Variants in COQ8B observed in about 807,000 individuals in gnomAD.
The protein encoded by COQ8B is atypical kinase COQ8B, mitochondrial.
Under a neutral mutation model 62.0 loss-of-function variants are expected in COQ8B, and 44 were observed. The observed-to-expected ratio is 0.71, with a 90% CI of 0.56 to 0.91. The LOEUF (loss-of-function observed/expected upper bound fraction) is 0.91, where lower values mean the gene tolerates loss of function less well. Ranked by LOEUF, COQ8B falls within the 40% of genes least tolerant of loss-of-function variation. COQ8B has a pLI of 0.00. For synonymous variants in COQ8B, 252 were observed against 289.9 expected (o/e 0.87, Z 1.33); for missense variants, 649 against 731.6 (o/e 0.89, Z 1.30).
chr19:40,701,958 A>G (rs1235508860), intron 10 of COQ8B, among the ~76,000 whole-genome samples: 1 of 152,148 alleles, frequency 6.6e-6, no homozygotes, highest in Non-Finnish European at 1.5e-5. Flanking sequence ...ATGCATTTTC[A>G]CTGCTACGTA....
At chr19:40,715,848 T>TGC (rs1743460499) in intron 1 of COQ8B, 1 of 99,486 alleles carries the variant, frequency 1.0e-5, no homozygotes. Flanking sequence ...TCTTTCTCTG[T>TGC]GTGTGTGTGT....
At chr19:40,705,656 T>C (rs2144703197) in intron 5 of COQ8B, among the ~76,000 whole-genome samples, 1 of 151,956 alleles carries the variant, frequency 6.6e-6, no homozygotes, top group South Asian at 2.1e-4. Flanking sequence ...TAAAACGAAA[T>C]ACGGAGGCCA....
Position 40,692,990 on chromosome 19 carries a change from C to T in COQ8B, c.1257G>A (p.Lys419=). Residue 419 remains lysine, a synonymous_variant, in exon 14 of 15, where the codon AAG becomes AAA. Coordinates refer to ENST00000324464, the MANE Select transcript of COQ8B (RefSeq NM_024876.4). ...ADGDRDCVLQ[K]SRDLKFLTGF... ...CTGTGAGGAATTTGAGGTCCCTGGA[C>T]TTCTGCAGGACACAGTCTCTGTCTC... 2 of 1,614,074 alleles carry T rather than the reference C, an allele frequency of 1.2e-6. No individual in the cohort carries two copies. Among genetic ancestry groups the T allele is most frequent in the Non-Finnish European group, 1.7e-6 (2 of 1,179,930 alleles).
chr19:40,703,296 C>G, intron 9 of COQ8B: 1 of 511,578 alleles, frequency 2.0e-6, no homozygotes. Context: ...CTCTGAGAGT[C>G]TGCTGCTGTA....
At chr19:40,705,787 G>C (rs529916920) in intron 5 of COQ8B, among the ~76,000 whole-genome samples, 41 of 152,128 alleles carry the variant, frequency 2.7e-4, no homozygotes, top group Non-Finnish European at 4.9e-4. Flanking sequence ...AATTAGCTGG[G>C]TGTATGGTGG....
chr19:40,703,325 G>C, intron 9 of COQ8B: 1 of 523,494 alleles, frequency 1.9e-6, no homozygotes, highest in Non-Finnish European at 3.3e-6. Flanking sequence ...CTGGGCTCCC[G>C]TCTCTCTAAG....
intron 4 of COQ8B, among the ~76,000 whole-genome samples, chr19:40,713,720 G>GAA (rs747066002): frequency 2.6e-5 from 3 of 116,398 alleles, no homozygotes; most frequent in Non-Finnish European, 3.6e-5. Flanking sequence ...TGTCTCAAAG[G>GAA]AAAAAAAAAA....
intron 10 of COQ8B, 40 bp from the exon 11 acceptor site, chr19:40,700,491 C>G: frequency 6.3e-7 from 1 of 1,599,224 alleles, no homozygotes; most frequent in Non-Finnish European, 8.5e-7. Flanking sequence ...CTTCGTGCTT[C>G]AGGCTTGTGA....
intron 5 of COQ8B, among the ~76,000 whole-genome samples, chr19:40,707,714 C>T (rs1317177942): frequency 6.6e-6 from 1 of 152,206 alleles, no homozygotes; most frequent in Non-Finnish European, 1.5e-5. Flanking sequence ...CTCGGCCTGC[C>T]AAAGTGCTGG....
chr19:40,714,398 C>A lies in COQ8B; in HGVS notation c.103-1G>T. ...GGGCCCAAGAACCTCCACATGGTCC[C>A]TGCAAGAGATATACTTTGATAAGGA... On this transcript the variant is annotated splice_acceptor_variant, in intron 2 of 14. Coordinates refer to ENST00000324464, the MANE Select transcript of COQ8B (RefSeq NM_024876.4). LOFTEE classifies it high-confidence loss of function. 1 of 1,613,654 alleles carries A rather than the reference C, an allele frequency of 6.2e-7. No homozygotes were observed.
intron 13 of COQ8B, among the ~76,000 whole-genome samples, chr19:40,694,012 A>G (rs943176642): frequency 2.0e-5 from 3 of 152,130 alleles, no homozygotes; most frequent in African/African-American, 7.2e-5. Context: ...CAGGGCTTTT[A>G]TAAAGTGGCA....
intron 4 of COQ8B, among the ~76,000 whole-genome samples, chr19:40,712,586 T>C (rs1451134768): frequency 6.6e-6 from 1 of 151,926 alleles, no homozygotes; most frequent in Non-Finnish European, 1.5e-5. Flanking sequence ...AGACTCCATC[T>C]CAAAAACAAA....
Position 40,692,357 on chromosome 19 carries a change from T to A in COQ8B, c.1313A>T (p.His438Leu). Reference sequence around the variant, plus strand: ...CCCCAGGATCATCACTGCCTCCACGTGGGCGTCGGAGAATGCCTGGGAGTG... The same window carrying A: ...CCCCAGGATCATCACTGCCTCCACGAGGGCGTCGGAGAATGCCTGGGAGTG... ...GFETKAFSDA[H>L]VEAVMILGEP... Residue 438 changes from histidine to leucine, a missense_variant, in exon 15 of 15, where the codon CAC (histidine) becomes CTC (leucine). His to Leu is a moderately conservative substitution (Grantham distance 99). Coordinates refer to ENST00000324464, the MANE Select transcript of COQ8B (RefSeq NM_024876.4). The A allele has an allele frequency of 6.2e-7, 1 of 1,613,270 alleles. No homozygotes were observed.
At chr19:40,707,075 C>A (rs1223938412) in intron 5 of COQ8B, among the ~76,000 whole-genome samples, 1 of 151,972 alleles carries the variant, frequency 6.6e-6, no homozygotes, top group Non-Finnish European at 1.5e-5. Flanking sequence ...TTGAGACCAG[C>A]CTGGGCAATA....
intron 4 of COQ8B, among the ~76,000 whole-genome samples, 189 bp downstream of exon 4, chr19:40,713,876 CAA>C (rs374895523): frequency 1.7e-4 from 20 of 116,464 alleles, no homozygotes; most frequent in Admixed American, 3.6e-4. Context: ...GACTCTGTCT[CAA>C]AAAAAAAAAA....
intron 1 of COQ8B, chr19:40,715,011 T>TGC: frequency 1.6e-6 from 1 of 609,156 alleles, no homozygotes; most frequent in Non-Finnish European, 2.1e-6. Flanking sequence ...CCCCGCCCGA[T>TGC]CCCCACCCCG....
intron 10 of COQ8B, chr19:40,700,750 T>C (rs921241469): frequency 1.0e-5 from 4 of 398,366 alleles, no homozygotes; most frequent in Non-Finnish European, 1.8e-5. Context: ...CCCAGAAGGA[T>C]GAGTTCAGGT....
intron 13 of COQ8B, among the ~76,000 whole-genome samples, chr19:40,693,366 C>T (rs997631463): frequency 1.2e-4 from 19 of 152,284 alleles, no homozygotes; most frequent in East Asian, 3.9e-4. Context: ...CGGGTATGAG[C>T]GTGACCCAGA....
rs147717853 is a variant in COQ8B, at chr19:40,713,913, T to C, written c.289+154A>G. 3.3e-4 allele frequency among the ~76,000 whole-genome samples: 51 copies of C among 152,284 alleles called. 1 individual carries two copies. In the East Asian group the frequency reaches 9.6e-3, roughly 29 times the overall value. On this transcript the variant is annotated intron_variant, in intron 4 of 14. Coordinates refer to ENST00000324464, the MANE Select transcript of COQ8B (RefSeq NM_024876.4). Reference sequence around the variant, plus strand: ...AAAAAATTATCATTTATGTTCCTCTTGATTTCTCTTGGCCTTGCAGGCCCT... The same window carrying C: ...AAAAAATTATCATTTATGTTCCTCTCGATTTCTCTTGGCCTTGCAGGCCCT...
Sources: gnomAD v4.1 joint callset for allele counts (sites outside exome capture counted in the v4.1 genomes callset) on GRCh38, gnomAD v4.1.1 for gene constraint, MANE v1.5 for transcripts, NCBI Gene and HGNC (gene_info 2026-07-23, HGNC 2026-07-21) for gene names.